Variants in SLC6A11 observed in about 807,000 individuals in gnomAD.
SLC6A11 encodes the protein solute carrier family 6 member 11.
In SLC6A11, 25 loss-of-function variants were observed where a neutral mutation model predicts 74.8. That is an observed-to-expected ratio of 0.33 (90% CI 0.24 to 0.47). The LOEUF (loss-of-function observed/expected upper bound fraction) is 0.47, where lower values mean the gene tolerates loss of function less well. Ranked by LOEUF, SLC6A11 falls within the 20% of genes least tolerant of loss-of-function variation. SLC6A11 has a pLI of 1.00. For synonymous variants in SLC6A11, 330 were observed against 330.2 expected (o/e 1.00, Z 0.01); for missense variants, 574 against 837.0 (o/e 0.69, Z 3.88).
At chr3:10,911,011 AG>A (rs1201159686) in intron 6 of SLC6A11, among the ~76,000 whole-genome samples, 1 of 151,922 alleles carries the variant, frequency 6.6e-6, no homozygotes, top group Non-Finnish European at 1.5e-5. Context: ...TAGTACAGAC[AG>A]GGTTTCGCCA....
intron 5 of SLC6A11, among the ~76,000 whole-genome samples, chr3:10,872,034 C>T (rs1437362814): frequency 6.6e-6 from 1 of 152,146 alleles, no homozygotes. Context: ...TTGTCATTTA[C>T]AAATGGAATG....
At chr3:10,871,026 T>C (rs1360219968) in intron 5 of SLC6A11, among the ~76,000 whole-genome samples, 1 of 152,200 alleles carries the variant, frequency 6.6e-6, no homozygotes. Context: ...CTCCTAAATA[T>C]AATGTAGAAG....
intron 5 of SLC6A11, among the ~76,000 whole-genome samples, chr3:10,847,528 G>T (rs948458380): frequency 5.9e-5 from 9 of 152,184 alleles, no homozygotes; most frequent in African/African-American, 2.2e-4. Flanking sequence ...CCTTAGAAAT[G>T]GTTTGGTCTG....
chr3:10,906,976 G>A (rs1295587985), intron 6 of SLC6A11, among the ~76,000 whole-genome samples: 2 of 152,086 alleles, frequency 1.3e-5, no homozygotes, highest in African/African-American at 2.4e-5. Flanking sequence ...TCACCTAAAC[G>A]TGAGCAACAG....
At chr3:10,901,776 C>T (rs1263363749) in intron 6 of SLC6A11, among the ~76,000 whole-genome samples, 8 of 152,284 alleles carry the variant, frequency 5.3e-5, no homozygotes. Flanking sequence ...CTGTATGTGG[C>T]ATTAGCCGAA....
chr3:10,819,222 A>T (rs1694104073), intron 1 of SLC6A11, among the ~76,000 whole-genome samples: 1 of 152,184 alleles, frequency 6.6e-6, no homozygotes, highest in Non-Finnish European at 1.5e-5. Flanking sequence ...TCTATGAGGG[A>T]AGCAGTGCAG....
intron 5 of SLC6A11, among the ~76,000 whole-genome samples, chr3:10,865,709 C>G (rs1329407861): frequency 6.6e-6 from 1 of 152,170 alleles, no homozygotes; most frequent in Admixed American, 6.5e-5. Context: ...ATGGTGATAT[C>G]TTTGGTAAAG....
At chr3:10,848,632 G>T (rs1339459732) in intron 5 of SLC6A11, among the ~76,000 whole-genome samples, 1 of 152,194 alleles carries the variant, frequency 6.6e-6, no homozygotes, top group Non-Finnish European at 1.5e-5. Flanking sequence ...GGGCTCCTTG[G>T]GAGGTGCCGG....
intron 5 of SLC6A11, among the ~76,000 whole-genome samples, chr3:10,870,419 G>A (rs1694815813): frequency 6.6e-6 from 1 of 152,240 alleles, no homozygotes; most frequent in African/African-American, 2.4e-5. Context: ...GCTGCCTGGA[G>A]TGCTGTGCGG....
At chr3:10,933,737 C>G (rs1356053966) in intron 11 of SLC6A11, among the ~76,000 whole-genome samples, 1 of 152,150 alleles carries the variant, frequency 6.6e-6, no homozygotes, top group Non-Finnish European at 1.5e-5. Context: ...GCAGCCCTGC[C>G]AGGCCCCTGC....
intron 5 of SLC6A11, among the ~76,000 whole-genome samples, chr3:10,866,534 C>T (rs1438021724): frequency 1.3e-5 from 2 of 152,188 alleles, no homozygotes; most frequent in African/African-American, 2.4e-5. Flanking sequence ...TGCCCTGAAA[C>T]GTGGATCCCA....
chr3:10,820,024 G>T (rs1694117841), intron 3 of SLC6A11, among the ~76,000 whole-genome samples, 172 bp downstream of exon 3: 1 of 152,238 alleles, frequency 6.6e-6, no homozygotes, highest in Non-Finnish European at 1.5e-5. Flanking sequence ...TACGTTCTGT[G>T]AGTTGCAGCC....
intron 4 of SLC6A11, among the ~76,000 whole-genome samples, chr3:10,827,264 A>G (rs1694223391): frequency 6.6e-6 from 1 of 152,296 alleles, no homozygotes; most frequent in East Asian, 1.9e-4. Flanking sequence ...TTCCTATGGA[A>G]TAAATTAGAA....
At chr3:10,909,704 T>C (rs1386334315) in intron 6 of SLC6A11, among the ~76,000 whole-genome samples, 1 of 152,222 alleles carries the variant, frequency 6.6e-6, no homozygotes, top group Non-Finnish European at 1.5e-5. Flanking sequence ...GGATTTGGCC[T>C]CCCATTTCCT....
intron 6 of SLC6A11, among the ~76,000 whole-genome samples, chr3:10,882,030 T>C (rs1311893404): frequency 6.6e-6 from 1 of 152,154 alleles, no homozygotes; most frequent in Non-Finnish European, 1.5e-5. Context: ...CCCCTCCACA[T>C]GTGGGCAGCA....
chr3:10,877,939 C>A (rs902000862), intron 6 of SLC6A11, among the ~76,000 whole-genome samples: 1 of 152,146 alleles, frequency 6.6e-6, no homozygotes. Flanking sequence ...TCCACCTGAC[C>A]CCCGACTCCG....
intron 4 of SLC6A11, among the ~76,000 whole-genome samples, chr3:10,828,263 G>A (rs1376227227): frequency 3.9e-5 from 6 of 152,148 alleles, no homozygotes; most frequent in Admixed American, 1.3e-4. Context: ...GTTTTTGCAC[G>A]GTGTCCATTC....
intron 4 of SLC6A11, among the ~76,000 whole-genome samples, chr3:10,833,661 C>T (rs1694327720): frequency 6.6e-6 from 1 of 152,188 alleles, no homozygotes; most frequent in South Asian, 2.1e-4. Context: ...CCTGCTGCTT[C>T]CACTTGTTAG....
chr3:10,934,332 GGGCTT>G (rs755559443), intron 12 of SLC6A11, among the ~76,000 whole-genome samples, 166 bp downstream of exon 12: 1 of 152,212 alleles, frequency 6.6e-6, no homozygotes, highest in Non-Finnish European at 1.5e-5. Flanking sequence ...CACAGGCTCT[GGGCTT>G]GGCCAAGGAG....
Sources: allele counts gnomAD v4.1 joint callset (sites outside exome capture counted in the v4.1 genomes callset), GRCh38; gene constraint gnomAD v4.1.1; transcripts MANE v1.5; gene names NCBI Gene and HGNC (gene_info 2026-07-23, HGNC 2026-07-21).